The following NFIB variants were observed in gnomAD, a reference collection of about 807,000 sequenced individuals.
NFIB encodes the protein nuclear factor 1 B-type.
In NFIB, 11 loss-of-function variants were observed where a neutral mutation model predicts 61.5. The ratio of observed to expected loss-of-function variants is 0.18; its 90% confidence interval spans 0.11 to 0.30. The LOEUF (loss-of-function observed/expected upper bound fraction) is 0.30. Ranked by LOEUF, NFIB falls within the 10% of genes least tolerant of loss-of-function variation. NFIB has a pLI of 1.00. For synonymous variants in NFIB, 260 were observed against 216.5 expected (o/e 1.20, Z -1.76); for missense variants, 471 against 608.9 (o/e 0.77, Z 2.38).
At chr9:14,335,305 A>G (rs1468695306) in intron 1 of NFIB, among the ~76,000 whole-genome samples, 1 of 152,212 alleles carries the variant, frequency 6.6e-6, no homozygotes, top group Non-Finnish European at 1.5e-5. Flanking sequence ...CAATTCCACC[A>G]GCAATGTATG....
intron 1 of NFIB, among the ~76,000 whole-genome samples, chr9:14,351,162 C>T (rs2061106534): frequency 6.6e-6 from 1 of 152,198 alleles, no homozygotes; most frequent in African/African-American, 2.4e-5. Context: ...GTTTGGGCAT[C>T]TGCACCTCCT....
intron 3 of NFIB, among the ~76,000 whole-genome samples, chr9:14,177,018 C>T (rs1392682379): frequency 1.3e-5 from 2 of 152,186 alleles, no homozygotes; most frequent in Non-Finnish European, 2.9e-5. Flanking sequence ...CAGTGGAAAA[C>T]TACCAGTGAT....
intron 2 of NFIB, among the ~76,000 whole-genome samples, chr9:14,299,419 T>G (rs1182522928): frequency 6.6e-6 from 1 of 152,256 alleles, no homozygotes; most frequent in Non-Finnish European, 1.5e-5. Context: ...ACTATTAAGT[T>G]GACTATTTTG....
chr9:14,503,816 T>A, the NFIB span, among the ~76,000 whole-genome samples: 1 of 152,222 alleles, frequency 6.6e-6, no homozygotes, highest in African/African-American at 2.4e-5. Context: ...GAAGAAGCTA[T>A]TTAGTTTAAT....
At chr9:14,378,090 G>A (rs1030614973) in intron 1 of NFIB, among the ~76,000 whole-genome samples, 2 of 152,144 alleles carry the variant, frequency 1.3e-5, no homozygotes, top group African/African-American at 4.8e-5. Context: ...GTCTGGATGA[G>A]ACATTGGCTC....
chr9:14,186,769 T>C (rs1380601186), intron 2 of NFIB, among the ~76,000 whole-genome samples: 2 of 152,024 alleles, frequency 1.3e-5, no homozygotes, highest in Non-Finnish European at 2.9e-5. Context: ...TTGGCTTTTT[T>C]TTTTCCAGCA....
In NFIB at chr9:14,084,451, A is replaced by G. The variant is rs2032522137; in HGVS notation, c.*3858T>C. The G allele has an allele frequency of 1.3e-5, 3 of 225,392 alleles. No homozygotes were observed. The highest frequency in any genetic ancestry group is 6.7e-5 in the African/African-American group (3 of 44,870). The allele number at this position is 225,392 out of a possible 1,614,324, so 14.0% of individuals were successfully genotyped here. On this transcript the variant is annotated 3_prime_UTR_variant, in exon 11 of 11. Coordinates refer to ENST00000380953, the MANE Select transcript of NFIB (RefSeq NM_001190737.2). ...GAGCTGCCCACCCGAACATTACCCG[A>G]TAACTATATTGCTATAATTAAGATT...
At chr9:14,128,146 G>C (rs151285476) in intron 6 of NFIB, among the ~76,000 whole-genome samples, 13 of 152,240 alleles carry the variant, frequency 8.5e-5, no homozygotes, top group African/African-American at 3.1e-4. Context: ...ACTAATGGAT[G>C]TAAAATCATA....
At chr9:14,249,054 T>TG in intron 2 of NFIB, among the ~76,000 whole-genome samples, 1 of 152,352 alleles carries the variant, frequency 6.6e-6, no homozygotes, top group South Asian at 2.1e-4. Context: ...TTCTTACACT[T>TG]GCAATTAATA....
chr9:14,348,447 G>A (rs1328641654), intron 1 of NFIB, among the ~76,000 whole-genome samples: 1 of 152,156 alleles, frequency 6.6e-6, no homozygotes, highest in Non-Finnish European at 1.5e-5. Flanking sequence ...TTCGGGAGAA[G>A]TTGGAGGGTG....
the NFIB span, among the ~76,000 whole-genome samples, chr9:14,517,629 G>A: frequency 1.3e-5 from 2 of 150,338 alleles, no homozygotes; most frequent in Admixed American, 1.3e-4. Context: ...TCGTGGTGGT[G>A]TATGTGTATA....
intron 1 of NFIB, among the ~76,000 whole-genome samples, chr9:14,330,722 C>T (rs2060810283): frequency 6.6e-6 from 1 of 152,082 alleles, no homozygotes; most frequent in Non-Finnish European, 1.5e-5. Context: ...TGAGGACACA[C>T]ATAGAGTGCC....
intron 1 of NFIB, among the ~76,000 whole-genome samples, chr9:14,373,487 T>C (rs1471167113): frequency 6.6e-6 from 1 of 152,192 alleles, no homozygotes; most frequent in Non-Finnish European, 1.5e-5. Context: ...TAAATCTTTT[T>C]GAATTATTGT....
At chr9:14,403,576 G>C (rs1001710899), upstream of NFIB, among the ~76,000 whole-genome samples, 1 of 144,272 alleles carries the variant, frequency 6.9e-6, no homozygotes, top group Admixed American at 7.2e-5. Flanking sequence ...AGAGCTCATT[G>C]AACATATAAC....
At chr9:14,141,902 C>CAAA (rs1207435536) in intron 6 of NFIB, among the ~76,000 whole-genome samples, 655 of 50,400 alleles carry the variant, frequency 0.013, 7 homozygotes, top group East Asian at 0.036. Context: ...CTGCTGCTCA[C>CAAA]AAAAAAAAAA....
At chr9:14,436,150 G>C in the NFIB span, among the ~76,000 whole-genome samples, 2 of 152,232 alleles carry the variant, frequency 1.3e-5, no homozygotes, top group Non-Finnish European at 2.9e-5. Flanking sequence ...AATGGAAAGA[G>C]CTCTGCAGAT....
chr9:14,233,913 A>G (rs913141151), intron 2 of NFIB, among the ~76,000 whole-genome samples: 2 of 152,180 alleles, frequency 1.3e-5, no homozygotes, highest in Admixed American at 1.3e-4. Context: ...ACTCATTCCA[A>G]TATTCAAAAG....
At chr9:14,497,984 C>T in the NFIB span, among the ~76,000 whole-genome samples, 2 of 152,150 alleles carry the variant, frequency 1.3e-5, no homozygotes, top group African/African-American at 4.8e-5. Context: ...TCTAAACTTG[C>T]CTGAAGCTGG....
the NFIB span, among the ~76,000 whole-genome samples, chr9:14,508,401 A>G: frequency 7.9e-5 from 12 of 152,150 alleles, no homozygotes; most frequent in Admixed American, 6.6e-4. Context: ...GGAAATTTCA[A>G]TGTCTCATAC....
Sources: allele counts gnomAD v4.1 joint callset (sites outside exome capture counted in the v4.1 genomes callset), GRCh38; gene constraint gnomAD v4.1.1; transcripts MANE v1.5; gene names NCBI Gene and HGNC (gene_info 2026-07-23, HGNC 2026-07-21).